Variants in RPAP2 observed in about 807,000 individuals in gnomAD.
RPAP2 encodes putative RNA polymerase II subunit B1 CTD phosphatase RPAP2.
RPAP2 carries 52 observed loss-of-function variants against 73.1 expected under a neutral mutation model. The observed-to-expected ratio is 0.71, with a 90% CI of 0.57 to 0.90. RPAP2 has a LOEUF of 0.90. Among genes scored for constraint, RPAP2 ranks in the 40% least tolerant of loss-of-function variants. The pLI is 0.00. For synonymous variants in RPAP2, 225 were observed against 242.1 expected (o/e 0.93, Z 0.65); for missense variants, 598 against 701.8 (o/e 0.85, Z 1.67).
At chr1:92,372,749 AT>A (rs984158283) in intron 11 of RPAP2, among the ~76,000 whole-genome samples, 20 of 152,242 alleles carry the variant, frequency 1.3e-4, no homozygotes, top group Non-Finnish European at 2.2e-4. Flanking sequence ...CACTAAAAAA[AT>A]TTTTTTAAAG....
intron 11 of RPAP2, among the ~76,000 whole-genome samples, chr1:92,372,828 T>C (rs924898883): frequency 2.0e-5 from 3 of 152,154 alleles, no homozygotes; most frequent in South Asian, 2.1e-4. Flanking sequence ...GGCAGGAGGA[T>C]TGCTTGAGCC....
intron 10 of RPAP2, among the ~76,000 whole-genome samples, chr1:92,339,803 T>C (rs1653502803): frequency 6.6e-6 from 1 of 152,192 alleles, no homozygotes; most frequent in Admixed American, 6.5e-5. Flanking sequence ...ACTGCCCTTT[T>C]CCTCTTATAA....
intron 11 of RPAP2, 45 bp downstream of exon 11, chr1:92,345,959 C>T: frequency 7.6e-7 from 1 of 1,319,468 alleles, no homozygotes; most frequent in Non-Finnish European, 1.1e-6. Flanking sequence ...AAATGTGAAG[C>T]ATATTGATTA....
In RPAP2 at chr1:92,301,567, A is replaced by G. The variant is rs770499188; in HGVS notation, c.211A>G (p.Thr71Ala). 2.6e-6 allele frequency: 4 copies of G among 1,523,752 alleles called. No homozygotes were observed. The highest frequency in any genetic ancestry group is 2.8e-5 in the African/African-American group (2 of 71,220). 94.4% of individuals were successfully genotyped at this position (1,523,752 alleles called of 1,614,324 possible). A position where few individuals can be genotyped will look rare whatever the true frequency, so the allele number is the denominator to read the frequency against. Residue 71 changes from threonine to alanine, a missense_variant, in exon 3 of 13, where the codon ACA (threonine) becomes GCA (alanine). This residue lies in a region of RPAP2 where 506 missense variants were observed against 612.8 expected (regional missense o/e 0.83). Transcript: ENST00000610020. ...TGAACAGCTTTTAGAGGAGAATATTACAGAAGAGTTCCTAATGGAGTGTGT... is the reference window on the plus strand; with the variant it reads ...TGAACAGCTTTTAGAGGAGAATATTGCAGAAGAGTTCCTAATGGAGTGTGT... ...IVEQLLEENITEEFLMECGRF... is the reference protein window; with the variant it reads ...IVEQLLEENIAEEFLMECGRF...
intron 11 of RPAP2, among the ~76,000 whole-genome samples, chr1:92,361,143 A>T (rs988712364): frequency 2.7e-5 from 4 of 146,880 alleles, no homozygotes; most frequent in Non-Finnish European, 1.5e-5. Context: ...ACACACATAA[A>T]CACACACACA....
At chr1:92,317,678 A>C (rs1479542502) in intron 6 of RPAP2, among the ~76,000 whole-genome samples, 3 of 152,124 alleles carry the variant, frequency 2.0e-5, no homozygotes, top group Non-Finnish European at 4.4e-5. Context: ...TATACCTAAA[A>C]ATGTATTAAA....
chr1:92,348,769 A>AC (rs1654045956), intron 11 of RPAP2, among the ~76,000 whole-genome samples: 1 of 152,200 alleles, frequency 6.6e-6, no homozygotes, highest in African/African-American at 2.4e-5. Context: ...CATCATGTTA[A>AC]AACTCCATTG....
Position 92,390,160 on chromosome 1 carries a change from C to T in RPAP2, c.*3149C>T, listed in dbSNP as rs1264275346. On this transcript the variant is annotated 3_prime_UTR_variant, in exon 13 of 13. Coordinates refer to ENST00000610020, the MANE Select transcript of RPAP2 (RefSeq NM_024813.3). The stretch of plus-strand genomic sequence containing the variant: ...CAGCCAGAGAGAAAGGTCAGGTTAC[C>T]CACAAAGGGAAGCCCATCAGATTAA... 6.6e-6 allele frequency: 1 copy of T among 152,248 alleles called. No individual in the cohort carries two copies. The highest frequency in any genetic ancestry group is 1.9e-4 in the East Asian group (1 of 5,186). 9.4% of individuals were successfully genotyped at this position (152,248 alleles called of 1,614,324 possible). A position where few individuals can be genotyped will look rare whatever the true frequency, so the allele number is the denominator to read the frequency against.
intron 7 of RPAP2, among the ~76,000 whole-genome samples, chr1:92,322,209 G>C (rs1397207385): frequency 1.3e-5 from 2 of 151,512 alleles, no homozygotes; most frequent in African/African-American, 4.8e-5. Context: ...GCCTCCCAAG[G>C]TGCTGGGATT....
chr1:92,357,632 A>G (rs11164226), intron 11 of RPAP2, among the ~76,000 whole-genome samples: 39,273 of 152,164 alleles, frequency 0.26, 6,515 homozygotes, highest in Non-Finnish European at 0.35. Context: ...CCCAGGTTCA[A>G]GTGATTCTTG....
rs879413493 is a variant in RPAP2 at position 92,395,744 on chromosome 1, G to C, written c.*8733G>C. 4.0e-5 allele frequency: 6 copies of C among 151,192 alleles called. No individual in the cohort carries two copies. Among genetic ancestry groups the C allele is most frequent in the Admixed American group, 3.3e-4 (5 of 15,126 alleles). 9.4% of individuals were successfully genotyped at this position (151,192 alleles called of 1,614,324 possible). ...AGGACTTGTATCTAGACTATGTAAA[G>C]AATTCTTAAAACTCAAAAATAAGGC... On this transcript the variant is annotated 3_prime_UTR_variant, in exon 13 of 13. Transcript: ENST00000610020.
intron 11 of RPAP2, among the ~76,000 whole-genome samples, chr1:92,364,589 A>T (rs1237395689): frequency 6.6e-5 from 10 of 152,136 alleles, no homozygotes; most frequent in Admixed American, 6.6e-4. Flanking sequence ...TTGCCTTTCA[A>T]ATGGCCCCTT....
intron 11 of RPAP2, among the ~76,000 whole-genome samples, chr1:92,373,741 A>T (rs1232478831): frequency 9.8e-5 from 6 of 61,016 alleles, no homozygotes; most frequent in Non-Finnish European, 2.0e-4. Flanking sequence ...ACTAAAAATA[A>T]AAAAAAAAAA....
chr1:92,354,349 G>A (rs1654358953), intron 11 of RPAP2, among the ~76,000 whole-genome samples: 1 of 152,134 alleles, frequency 6.6e-6, no homozygotes, highest in African/African-American at 2.4e-5. Flanking sequence ...ACTATTCTGA[G>A]AGAATTGTTA....
intron 6 of RPAP2, among the ~76,000 whole-genome samples, chr1:92,308,456 G>A (rs560275195): frequency 6.6e-6 from 1 of 152,212 alleles, no homozygotes; most frequent in East Asian, 1.9e-4. Context: ...TCCTCTGAGA[G>A]CAACATGTTT....
chr1:92,328,888 G>A (rs916270029), intron 8 of RPAP2, among the ~76,000 whole-genome samples: 2 of 152,186 alleles, frequency 1.3e-5, no homozygotes, highest in Non-Finnish European at 2.9e-5. Flanking sequence ...CTTCCTGAGA[G>A]CCAAACTGCA....
chr1:92,350,629 A>G (rs1173993114), intron 11 of RPAP2, among the ~76,000 whole-genome samples: 1 of 152,236 alleles, frequency 6.6e-6, no homozygotes. Context: ...ATAAAAATGT[A>G]TATAAGTATA....
intron 3 of RPAP2, among the ~76,000 whole-genome samples, chr1:92,302,590 ATTT>A (rs36067595): frequency 7.0e-4 from 52 of 74,326 alleles, no homozygotes; most frequent in African/African-American, 2.7e-3. Context: ...TCCGCATTAA[ATTT>A]TTTTTTTTTT....
intron 11 of RPAP2, among the ~76,000 whole-genome samples, chr1:92,363,023 T>A (rs182100897): frequency 6.6e-6 from 1 of 152,302 alleles, no homozygotes; most frequent in East Asian, 1.9e-4. Flanking sequence ...GATAGAAGGT[T>A]ATACATTGAA....
Sources: gnomAD v4.1 joint callset for allele counts (sites outside exome capture counted in the v4.1 genomes callset) on GRCh38, gnomAD v4.1.1 for gene constraint, gnomAD v4.1.1 regional missense constraint, MANE v1.5 for transcripts, NCBI Gene and HGNC (gene_info 2026-07-23, HGNC 2026-07-21) for gene names.